Variants in MEGF6 observed in about 807,000 individuals in gnomAD.
The protein encoded by MEGF6 is multiple epidermal growth factor-like domains protein 6.
MEGF6 carries 184 observed loss-of-function variants against 207.1 expected under a neutral mutation model. The ratio of observed to expected loss-of-function variants is 0.89; its 90% confidence interval spans 0.79 to 1.00. The LOEUF (loss-of-function observed/expected upper bound fraction) is 1.00. MEGF6 is among the 50% of genes least tolerant of loss of function. MEGF6 has a pLI of 0.00. For synonymous variants in MEGF6, 1,038 were observed against 910.0 expected, an observed-to-expected ratio of 1.14 and a Z score of -2.53; for missense variants, 2,282 against 2,202.9, an observed-to-expected ratio of 1.04 and a Z score of -0.72.
At chr1:3,561,842 A>G (rs1643211222) in intron 4 of MEGF6, among the ~76,000 whole-genome samples, 1 of 152,236 alleles carries the variant, frequency 6.6e-6, no homozygotes, top group East Asian at 1.9e-4. Context: ...TCCTGTTTCT[A>G]CAAACCAGCC....
chr1:3,492,107 GC>G (rs1476780011), intron 35 of MEGF6, among the ~76,000 whole-genome samples: 4 of 152,158 alleles, frequency 2.6e-5, no homozygotes, highest in African/African-American at 9.6e-5. Flanking sequence ...GGTGCCTGCT[GC>G]CCGTGCAGGA....
intron 18 of MEGF6, 70 bp from the exon 19 acceptor site, chr1:3,501,378 C>T (rs751811383): frequency 3.4e-5 from 51 of 1,516,548 alleles, no homozygotes; most frequent in African/African-American, 2.9e-4. Context: ...TAACATGGCA[C>T]GATGCCCCTG....
chr1:3,494,118 G>A lies in MEGF6; in HGVS notation c.4136C>T (p.Pro1379Leu), dbSNP rs761359072. Reference protein sequence around the residue: ...FYGQACEHPCPPGFHGAGCQG... With the variant: ...FYGQACEHPCLPGFHGAGCQG... ...GCAGCCAGCCCCGTGGAAGCCAGGG[G>A]GACAGGCTGAAGGACGCCGGTTACC... The change falls in exon 33 of 37, where the codon CCC becomes CTC. Residue 1379 changes from proline to leucine, a missense_variant. Transcript: ENST00000356575. 1 of 1,568,296 alleles carries A rather than the reference G, an allele frequency of 6.4e-7. No homozygotes were observed. The highest frequency in any genetic ancestry group is 1.2e-5 in the South Asian group (1 of 84,232).
At chr1:3,545,617 C>T (rs1004955194) in intron 4 of MEGF6, among the ~76,000 whole-genome samples, 2 of 152,194 alleles carry the variant, frequency 1.3e-5, no homozygotes, top group Admixed American at 6.5e-5. Flanking sequence ...ACTCCACCTG[C>T]ACCTGGCTCA....
chr1:3,581,394 G>A (rs1308947335), intron 3 of MEGF6, among the ~76,000 whole-genome samples: 1 of 152,184 alleles, frequency 6.6e-6, no homozygotes, highest in African/African-American at 2.4e-5. Context: ...AACACCTGCA[G>A]CCTGAGGATG....
At chr1:3,543,291 C>A (rs1021203889) in intron 4 of MEGF6, among the ~76,000 whole-genome samples, 13 of 152,212 alleles carry the variant, frequency 8.5e-5, no homozygotes, top group African/African-American at 2.9e-4. Context: ...CACTGCCCTG[C>A]CAGGGGTCCC....
Position 3,494,701 on chromosome 1 carries a change from G to C in MEGF6, c.3912C>G (p.Thr1304=), listed in dbSNP as rs1640526139. 1 of 1,585,454 alleles carries C rather than the reference G, an allele frequency of 6.3e-7. No homozygotes were observed. The highest frequency in any genetic ancestry group is 1.3e-5 in the African/African-American group (1 of 74,346). Residue 1304 remains threonine, a synonymous_variant, in exon 31 of 37, where the codon ACC becomes ACG. Transcript: ENST00000356575. The part of the protein sequence containing the change: ...QNRFGVGCEH[T]CSCRNGGLCH... ...ACAGGCCCCCATTTCTGCAGGAGCA[G>C]GTGTGCTCGCAGCCCACGCCAAACC...
chr1:3,529,416 G>A (rs922347806), intron 4 of MEGF6, among the ~76,000 whole-genome samples: 1 of 152,266 alleles, frequency 6.6e-6, no homozygotes, highest in East Asian at 1.9e-4. Context: ...ACACGGGGCA[G>A]GGGGCAGGCC....
chr1:3,598,205 T>C (rs1570232596), intron 2 of MEGF6, among the ~76,000 whole-genome samples: 1 of 152,214 alleles, frequency 6.6e-6, no homozygotes, highest in East Asian at 1.9e-4. Flanking sequence ...GCAGCCGGGC[T>C]GCCGTCTCTG....
intron 1 of MEGF6, among the ~76,000 whole-genome samples, chr1:3,606,130 A>G (rs1644246908): frequency 6.6e-6 from 1 of 152,220 alleles, no homozygotes; most frequent in African/African-American, 2.4e-5. Context: ...CTCGTGATGA[A>G]CGCACCCACC....
chr1:3,570,606 G>A (rs1022974122), intron 4 of MEGF6, among the ~76,000 whole-genome samples: 7 of 152,120 alleles, frequency 4.6e-5, no homozygotes, highest in Admixed American at 1.3e-4. Context: ...GGGCACACCC[G>A]CTGCTCCAGC....
In MEGF6 at chr1:3,494,744, G is replaced by T. The variant is rs1347725346; in HGVS notation, c.3872-3C>A. The T allele has an allele frequency of 6.4e-7, 1 of 1,571,610 alleles. No individual in the cohort carries two copies. Among genetic ancestry groups the T allele is most frequent in the Non-Finnish European group, 8.6e-7 (1 of 1,157,716 alleles). On this transcript the variant is annotated splice_polypyrimidine_tract_variant and splice_region_variant and intron_variant, in intron 30 of 36. Coordinates refer to ENST00000356575, the MANE Select transcript of MEGF6 (RefSeq NM_001409.4). ...GCCAAACCGGTTCTGGGGGCAGCCT[G>T]GAGACAGAAGGCAGGTGCTGCCTGG...
In MEGF6 at chr1:3,512,091, G is replaced by A. The variant is rs201250365; in HGVS notation, c.891C>T (p.Ala297=). The A allele has an allele frequency of 2.0e-5, 33 of 1,612,048 alleles. No individual in the cohort carries two copies. The African/African-American group carries it at 3.3e-4, about 16-fold the overall frequency. ...DECAAGLAQC[A]HGCLNTQGSF... is the part of the protein sequence containing the mutation. ...ACCCCTGGGTGTTGAGGCAGCCATG[G>A]GCACACTGGGCCAGCCCTGCGGCAC... Residue 297 remains alanine (A), a synonymous_variant, in exon 8 of 37, where the codon GCC becomes GCT. Coordinates refer to ENST00000356575, the MANE Select transcript of MEGF6 (RefSeq NM_001409.4).
chr1:3,500,537 G>A (rs1371161563), intron 21 of MEGF6, 96 bp downstream of exon 21: 14 of 1,440,914 alleles, frequency 9.7e-6, no homozygotes, highest in East Asian at 2.5e-5. Context: ...CGTGCAGGAG[G>A]GAGTACGGTC....
In MEGF6 at chr1:3,509,133, G is replaced by T; in HGVS notation, c.1470C>A (p.Val490=). 2 of 1,600,002 alleles carry T rather than the reference G, an allele frequency of 1.3e-6. No individual in the cohort carries two copies. Among genetic ancestry groups the T allele is most frequent in the Non-Finnish European group, 1.7e-6 (2 of 1,174,056 alleles). Residue 490 remains valine, a synonymous_variant, in exon 12 of 37, where the codon GTC becomes GTA. Transcript: ENST00000356575. ...ELPQLFQDDD[V]GADEEEAELR... ...ACTCTGCCTCTTCCTCATCGGCCCCGACGTCGTCATCCTGGAAGAGTTGCG... is the reference window on the plus strand; with the variant it reads ...ACTCTGCCTCTTCCTCATCGGCCCCTACGTCGTCATCCTGGAAGAGTTGCG...
At chr1:3,536,423 C>G (rs968033630) in intron 4 of MEGF6, among the ~76,000 whole-genome samples, 1 of 152,162 alleles carries the variant, frequency 6.6e-6, no homozygotes, top group African/African-American at 2.4e-5. Context: ...TGAGCCCCAG[C>G]TGAAGCTCTG....
In MEGF6 at chr1:3,490,998, G is replaced by A. The variant is rs1313064887; in HGVS notation, c.4517-39C>T. ...AGAGCAGGCCATGTTAGTACCCCCA[G>A]CCTTGAGTGAGCCACAGTAATGGCA... On this transcript the variant is annotated intron_variant, in intron 35 of 36. Transcript: ENST00000356575. 1.9e-6 allele frequency: 3 copies of A among 1,545,274 alleles called. No individual in the cohort carries two copies. In the African/African-American group the frequency reaches 4.2e-5, roughly 21 times the overall value.
In MEGF6 at chr1:3,498,477, T is replaced by C; in HGVS notation, c.3246A>G (p.Arg1082=). 6.3e-7 allele frequency: 1 copy of C among 1,581,974 alleles called. No homozygotes were observed. The highest frequency in any genetic ancestry group is 1.1e-5 in the South Asian group (1 of 87,860). ...CEKECLPRDV[R]AGCRHSGGCL... Reference sequence around the variant, plus strand: ...AACCGCCGCTGTGCCGGCAGCCAGCTCTGACGTCCCGGGGGAGGCACTCTA... The same window carrying C: ...AACCGCCGCTGTGCCGGCAGCCAGCCCTGACGTCCCGGGGGAGGCACTCTA... The change falls in exon 26 of 37, where the codon AGA becomes AGG. Residue 1082 remains arginine, a synonymous_variant. Transcript: ENST00000356575.
chr1:3,493,953 C>T (rs772160994), intron 33 of MEGF6, 43 bp downstream of exon 33: 24 of 1,582,318 alleles, frequency 1.5e-5, no homozygotes, highest in African/African-American at 2.7e-5. Context: ...CCAGACGGGA[C>T]GGGGCCAGGG....
Sources: gnomAD v4.1 joint callset for allele counts (sites outside exome capture counted in the v4.1 genomes callset) on GRCh38, gnomAD v4.1.1 for gene constraint, MANE v1.5 for transcripts, NCBI Gene and HGNC (gene_info 2026-07-23, HGNC 2026-07-21) for gene names.